PARN: variants seen among roughly 807,000 people sequenced by gnomAD.
PARN encodes poly(A)-specific ribonuclease.
In PARN, 71 loss-of-function variants were observed where a neutral mutation model predicts 102.8. The observed-to-expected ratio is 0.69, with a 90% confidence interval of 0.57 to 0.84. PARN has a LOEUF of 0.84. PARN is among the 40% of genes least tolerant of loss of function. PARN has a pLI of 0.00. For synonymous variants in PARN, 261 were observed against 252.9 expected, an observed-to-expected ratio of 1.03 and a Z score of -0.30; for missense variants, 782 against 760.9, an observed-to-expected ratio of 1.03 and a Z score of -0.33.
chr16:14,497,409 T>A (rs1321956350), intron 21 of PARN, among the ~76,000 whole-genome samples: 3 of 152,226 alleles, frequency 2.0e-5, no homozygotes, highest in African/African-American at 7.2e-5. Context: ...ATCTACAGAT[T>A]CAAGTTGGGT....
chr16:14,558,880 T>C lies in PARN; in HGVS notation c.1263-3171A>G, dbSNP rs951248541. ...TTTCTCAAAATTCCTTTTACGATCA[T>C]TTTTTAAACTTTAAAGGCTACCAGA... On this transcript the variant is annotated intron_variant, in intron 18 of 23. Transcript: ENST00000437198. Among the ~76,000 whole-genome samples, 12 of 152,288 alleles carry C rather than the reference T, an allele frequency of 7.9e-5. No homozygotes were observed. In the East Asian group the frequency reaches 1.9e-3, roughly 24 times the overall value.
intron 21 of PARN, among the ~76,000 whole-genome samples, chr16:14,548,472 T>C (rs1338357038): frequency 6.6e-6 from 1 of 152,218 alleles, no homozygotes; most frequent in Admixed American, 6.5e-5. Context: ...TGCAATTCAA[T>C]AAATATTCAA....
intron 21 of PARN, among the ~76,000 whole-genome samples, chr16:14,540,146 T>TA (rs747044287): frequency 1.1e-4 from 17 of 152,284 alleles, no homozygotes; most frequent in Admixed American, 7.8e-4. Context: ...ACTTACAGCA[T>TA]AAAAATCATA....
intron 22 of PARN, among the ~76,000 whole-genome samples, chr16:14,460,143 T>C (rs1214208645): frequency 3.9e-5 from 6 of 152,130 alleles, no homozygotes; most frequent in Non-Finnish European, 5.9e-5. Context: ...AAAAGACATA[T>C]TAATTATAAA....
At chr16:14,455,600 A>C (rs1961643081) in intron 22 of PARN, among the ~76,000 whole-genome samples, 1 of 152,248 alleles carries the variant, frequency 6.6e-6, no homozygotes, top group African/African-American at 2.4e-5. Flanking sequence ...CTACCAACTT[A>C]AGGGCTGCTG....
chr16:14,467,134 T>G (rs990266791), intron 22 of PARN, among the ~76,000 whole-genome samples: 3 of 152,240 alleles, frequency 2.0e-5, no homozygotes, highest in African/African-American at 7.2e-5. Context: ...TTTCATTATG[T>G]CATTAACTTA....
intron 20 of PARN, 90 bp from the exon 21 acceptor site, chr16:14,552,185 T>C (rs1367004000): frequency 1.3e-6 from 1 of 791,100 alleles, no homozygotes; most frequent in African/African-American, 1.7e-5. Context: ...TTCAGTATAG[T>C]CTATCTTTAA....
At chr16:14,456,743 C>CA (rs1961697872) in intron 22 of PARN, among the ~76,000 whole-genome samples, 1 of 151,938 alleles carries the variant, frequency 6.6e-6, no homozygotes, top group African/African-American at 2.4e-5. Flanking sequence ...ATGTTCTTGG[C>CA]ACTGCTTTAT....
chr16:14,590,933 C>A (rs1020718179), intron 13 of PARN, among the ~76,000 whole-genome samples: 1 of 152,138 alleles, frequency 6.6e-6, no homozygotes, highest in Non-Finnish European at 1.5e-5. Flanking sequence ...AAGCAGGTGT[C>A]TTCCAATCTA....
chr16:14,575,888 G>A (rs957415303), intron 18 of PARN, among the ~76,000 whole-genome samples: 1 of 152,000 alleles, frequency 6.6e-6, no homozygotes, highest in African/African-American at 2.4e-5. Context: ...TACAATTATG[G>A]GGCAGGTCTT....
intron 21 of PARN, among the ~76,000 whole-genome samples, chr16:14,524,340 GATC>G (rs1965887915): frequency 6.6e-6 from 1 of 152,158 alleles, no homozygotes; most frequent in African/African-American, 2.4e-5. Flanking sequence ...CGGCGGTTTA[GATC>G]ATCAAGATTC....
chr16:14,582,016 T>C (rs1969561378), intron 17 of PARN, among the ~76,000 whole-genome samples, 165 bp downstream of exon 17: 1 of 152,244 alleles, frequency 6.6e-6, no homozygotes, highest in African/African-American at 2.4e-5. Context: ...CTAGGTCTGC[T>C]GGCAACTGGG....
chr16:14,451,867 T>TAAAAAAAAAAAAAA (rs1567287329), intron 22 of PARN, among the ~76,000 whole-genome samples: 2 of 23,744 alleles, frequency 8.4e-5, no homozygotes, highest in African/African-American at 1.9e-4. Flanking sequence ...AAAAAAAAAA[T>TAAAAAAAAAAAAAA]ACAAAAAAAA....
chr16:14,543,844 G>A (rs543465817), intron 21 of PARN, among the ~76,000 whole-genome samples: 20 of 152,172 alleles, frequency 1.3e-4, no homozygotes, highest in Non-Finnish European at 2.2e-4. Context: ...TATCAATAAG[G>A]ACATTAAATT....
At chr16:14,572,486 C>T (rs1596709329) in intron 18 of PARN, among the ~76,000 whole-genome samples, 1 of 152,126 alleles carries the variant, frequency 6.6e-6, no homozygotes, top group Non-Finnish European at 1.5e-5. Context: ...CAATTGCTTT[C>T]TATGGAGAAA....
chr16:14,531,238 A>G (rs775944302), intron 21 of PARN, among the ~76,000 whole-genome samples: 1 of 152,138 alleles, frequency 6.6e-6, no homozygotes, highest in African/African-American at 2.4e-5. Flanking sequence ...CTAGCTACTC[A>G]GCAGGCTGAG....
At chr16:14,623,498 G>A (rs1972448489) in intron 5 of PARN, among the ~76,000 whole-genome samples, 1 of 145,156 alleles carries the variant, frequency 6.9e-6, no homozygotes, top group Admixed American at 6.9e-5. Context: ...TGGAAACAGA[G>A]CAAAACCCCA....
intron 5 of PARN, 142 bp from the exon 6 acceptor site, chr16:14,617,792 C>T (rs991404219): frequency 4.7e-6 from 3 of 636,472 alleles, no homozygotes; most frequent in Admixed American, 2.7e-5. Flanking sequence ...CAAGGAATTT[C>T]TACTCCACAA....
At chr16:14,529,203 C>T (rs1282074065) in intron 21 of PARN, among the ~76,000 whole-genome samples, 1 of 152,184 alleles carries the variant, frequency 6.6e-6, no homozygotes, top group Non-Finnish European at 1.5e-5. Context: ...GGTACGCTGT[C>T]GAATCCGAAT....
Sources: allele counts gnomAD v4.1 joint callset (sites outside exome capture counted in the v4.1 genomes callset), GRCh38; gene constraint gnomAD v4.1.1; transcripts MANE v1.5; gene names NCBI Gene and HGNC (gene_info 2026-07-23, HGNC 2026-07-21).